The following CDIN1 variants were observed in gnomAD, a reference collection of about 807,000 sequenced individuals.
The protein encoded by CDIN1 is CDAN1 interacting nuclease 1.
In CDIN1, 33 loss-of-function variants were observed where a neutral mutation model predicts 45.3. That is an observed-to-expected ratio of 0.73 (90% CI 0.55 to 0.97). The LOEUF (loss-of-function observed/expected upper bound fraction) is 0.97, where lower values mean the gene tolerates loss of function less well. CDIN1 is among the 50% of genes least tolerant of loss of function. CDIN1 has a pLI of 0.00. For synonymous variants in CDIN1, 118 were observed against 124.4 expected, an observed-to-expected ratio of 0.95 and a Z score of 0.34; for missense variants, 303 against 339.4, an observed-to-expected ratio of 0.89 and a Z score of 0.84.
chr15:36,747,755 C>T (rs1432500444), intron 10 of CDIN1, among the ~76,000 whole-genome samples: 1 of 152,120 alleles, frequency 6.6e-6, no homozygotes, highest in African/African-American at 2.4e-5. Context: ...CTGTCTACCA[C>T]TTTGACATAG....
chr15:36,692,045 A>G (rs1243042934), intron 6 of CDIN1, 81 bp from the exon 7 acceptor site: 1 of 1,374,506 alleles, frequency 7.3e-7, no homozygotes, highest in South Asian at 1.3e-5. Context: ...AAGAAAAGTA[A>G]TTACTGCTTT....
chr15:36,717,177 C>T (rs575816979), intron 10 of CDIN1, among the ~76,000 whole-genome samples: 6 of 152,208 alleles, frequency 3.9e-5, no homozygotes, highest in African/African-American at 9.6e-5. Context: ...AACTTTATTG[C>T]GGTATAACTG....
At chr15:36,681,840 G>T (rs1396939258) in intron 5 of CDIN1, among the ~76,000 whole-genome samples, 1 of 151,968 alleles carries the variant, frequency 6.6e-6, no homozygotes, top group Admixed American at 6.6e-5. Flanking sequence ...TTTACATAAG[G>T]CAAGACTAAA....
chr15:36,647,986 C>A (rs929644287), intron 3 of CDIN1, among the ~76,000 whole-genome samples: 8 of 152,034 alleles, frequency 5.3e-5, no homozygotes. Context: ...ACTACAGGTG[C>A]CCGCCACCAC....
intron 10 of CDIN1, among the ~76,000 whole-genome samples, chr15:36,766,257 T>C (rs1014413099): frequency 2.0e-5 from 3 of 152,240 alleles, no homozygotes; most frequent in Non-Finnish European, 4.4e-5. Flanking sequence ...TAAGCCTGAA[T>C]AATATTCCAC....
chr15:36,801,862 G>C (rs1457159994), intron 10 of CDIN1, among the ~76,000 whole-genome samples: 1 of 152,088 alleles, frequency 6.6e-6, no homozygotes, highest in Non-Finnish European at 1.5e-5. Context: ...CCTAAATGTG[G>C]TGATACTTAA....
intron 3 of CDIN1, among the ~76,000 whole-genome samples, chr15:36,645,531 T>TGC (rs1491357187): frequency 3.4e-5 from 5 of 147,496 alleles, no homozygotes; most frequent in Middle Eastern, 3.5e-3. Context: ...TGTGTGTGTG[T>TGC]GCCCATACTA....
At chr15:36,643,622 A>C (rs962940697) in intron 1 of CDIN1, among the ~76,000 whole-genome samples, 7 of 152,184 alleles carry the variant, frequency 4.6e-5, no homozygotes, top group Non-Finnish European at 8.8e-5. Context: ...TGGGAAGAAC[A>C]TTTTTCAGGT....
chr15:36,647,925 C>T (rs968643699), intron 3 of CDIN1, among the ~76,000 whole-genome samples: 5 of 151,530 alleles, frequency 3.3e-5, no homozygotes, highest in East Asian at 1.9e-4. Flanking sequence ...CTGCAAACTC[C>T]GCCTCCCGGG....
chr15:36,742,379 A>AT (rs141554120), intron 10 of CDIN1, among the ~76,000 whole-genome samples: 165 of 151,764 alleles, frequency 1.1e-3, no homozygotes, highest in Admixed American at 1.5e-3. Flanking sequence ...ATGCAAAACA[A>AT]TTTTTTTTTG....
chr15:36,732,693 A>T (rs1014817731), intron 10 of CDIN1, among the ~76,000 whole-genome samples: 1 of 152,052 alleles, frequency 6.6e-6, no homozygotes, highest in Non-Finnish European at 1.5e-5. Context: ...GAGGTGAGGG[A>T]TCTCTCTGCT....
At chr15:36,607,079 G>C (rs1029213364) in intron 1 of CDIN1, among the ~76,000 whole-genome samples, 9 of 152,126 alleles carry the variant, frequency 5.9e-5, no homozygotes, top group Non-Finnish European at 1.2e-4. Context: ...ACGTTTGTGA[G>C]GTTGGAAAAG....
At chr15:36,700,308 A>G (rs1009077543) in intron 8 of CDIN1, among the ~76,000 whole-genome samples, 2 of 152,172 alleles carry the variant, frequency 1.3e-5, no homozygotes, top group African/African-American at 4.8e-5. Flanking sequence ...GTGTGATCCA[A>G]TGAGAATGCA....
intron 5 of CDIN1, among the ~76,000 whole-genome samples, chr15:36,680,557 A>G (rs1046097365): frequency 2.0e-5 from 3 of 152,196 alleles, no homozygotes; most frequent in Non-Finnish European, 4.4e-5. Flanking sequence ...AAATGGAGAA[A>G]GAACCTGTAT....
At chr15:36,717,940 G>T (rs762574955) in intron 10 of CDIN1, among the ~76,000 whole-genome samples, 12 of 151,984 alleles carry the variant, frequency 7.9e-5, no homozygotes, top group Non-Finnish European at 1.8e-4. Context: ...ATTATATTGA[G>T]AATCTTTTCT....
intron 10 of CDIN1, among the ~76,000 whole-genome samples, chr15:36,740,122 G>A (rs1341843192): frequency 1.3e-5 from 2 of 152,166 alleles, no homozygotes; most frequent in East Asian, 3.9e-4. Context: ...AATATTAACG[G>A]CTCTGAGAAA....
At position 36,722,578 on chromosome 15, in the gene CDIN1, C is replaced by G. The variant is rs567085234; in HGVS notation, c.716+12617C>G. ...GGCCATATTTTGGTGAGACAGAGCC[C>G]TGTTCACAGCAGCTATGCTTTTTCA... On this transcript the variant is annotated intron_variant, in intron 10 of 10. Transcript: ENST00000566621. 8.5e-5 allele frequency among the ~76,000 whole-genome samples: 13 copies of G among 152,264 alleles called. No homozygotes were observed. In the East Asian group the frequency reaches 2.5e-3, roughly 29 times the overall value.
At chr15:36,748,082 G>T (rs1053497563) in intron 10 of CDIN1, among the ~76,000 whole-genome samples, 13 of 152,126 alleles carry the variant, frequency 8.5e-5, no homozygotes, top group Non-Finnish European at 1.2e-4. Context: ...TTCTCATTTG[G>T]TCTCTCATTT....
At position 36,810,138 on chromosome 15, in the gene CDIN1, T is replaced by C. The variant is rs1255059344; in HGVS notation, c.*1685T>C. On this transcript the variant is annotated 3_prime_UTR_variant, in exon 11 of 11. Transcript: ENST00000566621. ...TCTTTAGGAATAAATTACATTTATC[T>C]GCACAGATGTTGAAAATCCTGTTAA... is the stretch of plus-strand genomic sequence containing the variant. 1.3e-5 allele frequency: 2 copies of C among 152,226 alleles called. No homozygotes were observed. The highest frequency in any genetic ancestry group is 2.9e-5 in the Non-Finnish European group (2 of 68,036). The allele number at this position is 152,226 out of a possible 1,614,324, so 9.4% of individuals were successfully genotyped here. A position where few individuals can be genotyped will look rare whatever the true frequency, so the allele number is the denominator to read the frequency against.
Sources: allele counts gnomAD v4.1 joint callset (sites outside exome capture counted in the v4.1 genomes callset), GRCh38; gene constraint gnomAD v4.1.1; transcripts MANE v1.5; gene names NCBI Gene and HGNC (gene_info 2026-07-23, HGNC 2026-07-21).